Variants in DYM observed in about 807,000 individuals in gnomAD.
DYM encodes the protein dymeclin, also known as dyggve-Melchior-Clausen syndrome protein.
Under a neutral mutation model 93.1 loss-of-function variants are expected in DYM, and 78 were observed. The observed-to-expected ratio is 0.84, with a 90% CI of 0.70 to 1.01. The LOEUF (loss-of-function observed/expected upper bound fraction) is 1.01. Ranked by LOEUF, DYM falls within the 50% of genes least tolerant of loss-of-function variation. DYM has a pLI of 0.00. For missense variants in DYM, 789 were observed against 845.0 expected, an observed-to-expected ratio of 0.93 and a Z score of 0.82; for synonymous variants, 321 against 319.7, an observed-to-expected ratio of 1.00 and a Z score of -0.04.
chr18:49,258,933 A>C (rs2094446095), intron 11 of DYM, among the ~76,000 whole-genome samples: 2 of 149,954 alleles, frequency 1.3e-5, no homozygotes, highest in Non-Finnish European at 3.0e-5. Context: ...GCAGCATAGC[A>C]GCCAAATCTG....
intron 17 of DYM, among the ~76,000 whole-genome samples, chr18:49,046,556 G>C (rs921975472): frequency 2.1e-5 from 3 of 144,132 alleles, no homozygotes; most frequent in Non-Finnish European, 4.6e-5. Context: ...AACACACACA[G>C]ACACACACAG....
intron 17 of DYM, among the ~76,000 whole-genome samples, chr18:49,051,871 G>A (rs919431443): frequency 2.6e-5 from 4 of 152,234 alleles, no homozygotes; most frequent in Admixed American, 2.6e-4. Flanking sequence ...GACTGAAAGA[G>A]CGGGTAGAGA....
chr18:49,244,927 C>T (rs4939855), intron 13 of DYM, among the ~76,000 whole-genome samples: 103,672 of 152,092 alleles, frequency 0.68, 38,420 homozygotes, highest in Non-Finnish European at 0.81. Context: ...GTAACTGTTG[C>T]GGGAAATCAG....
chr18:49,074,890 A>G (rs1329594945), intron 17 of DYM, among the ~76,000 whole-genome samples: 1 of 152,220 alleles, frequency 6.6e-6, no homozygotes, highest in Admixed American at 6.5e-5. Context: ...CAGAAGCCAG[A>G]TGTGGGTAGG....
intron 13 of DYM, among the ~76,000 whole-genome samples, chr18:49,251,931 G>A (rs964307064): frequency 2.0e-5 from 3 of 151,940 alleles, no homozygotes; most frequent in Non-Finnish European, 4.4e-5. Flanking sequence ...AGAACTGCCC[G>A]AGGCTTGCAC....
intron 15 of DYM, among the ~76,000 whole-genome samples, chr18:49,142,165 T>A (rs914196026): frequency 7.9e-5 from 12 of 152,082 alleles, no homozygotes; most frequent in African/African-American, 2.9e-4. Context: ...CTGGCCAATA[T>A]GTTTTAAACA....
At chr18:49,046,303 G>GCA (rs974277935) in intron 17 of DYM, among the ~76,000 whole-genome samples, 108 of 147,376 alleles carry the variant, frequency 7.3e-4, no homozygotes, top group African/African-American at 2.4e-3. Context: ...ACATGCGCGC[G>GCA]CACACACACA....
At chr18:49,181,050 G>A (rs771301975) in intron 14 of DYM, among the ~76,000 whole-genome samples, 19 of 152,136 alleles carry the variant, frequency 1.2e-4, no homozygotes, top group Non-Finnish European at 2.5e-4. Flanking sequence ...TCTAGCCTGA[G>A]TCCAGGCTGC....
intron 13 of DYM, among the ~76,000 whole-genome samples, chr18:49,229,004 T>A (rs992281479): frequency 2.0e-5 from 3 of 152,184 alleles, no homozygotes; most frequent in Non-Finnish European, 4.4e-5. Context: ...AATTAACCAA[T>A]GGTTACTCAT....
chr18:49,189,351 C>T (rs1343553138), intron 14 of DYM, among the ~76,000 whole-genome samples: 1 of 152,156 alleles, frequency 6.6e-6, no homozygotes, highest in African/African-American at 2.4e-5. Context: ...ATGAGTTCAA[C>T]TGCTTCTTCT....
At chr18:49,188,802 C>T (rs1399096603) in intron 14 of DYM, among the ~76,000 whole-genome samples, 1 of 152,084 alleles carries the variant, frequency 6.6e-6, no homozygotes, top group African/African-American at 2.4e-5. Context: ...AACTAACCTG[C>T]ACATTGTGCA....
intron 8 of DYM, among the ~76,000 whole-genome samples, chr18:49,325,241 A>G (rs191667050): frequency 1.3e-5 from 2 of 152,328 alleles, no homozygotes; most frequent in Non-Finnish European, 1.5e-5. Flanking sequence ...TATTAACTCT[A>G]AAGTCTGCTG....
chr18:49,223,564 T>G (rs527960816), intron 13 of DYM, among the ~76,000 whole-genome samples: 1 of 152,142 alleles, frequency 6.6e-6, no homozygotes, highest in Non-Finnish European at 1.5e-5. Context: ...ATATGGGTTT[T>G]GAATCAGCTA....
chr18:49,305,648 A>C (rs1188864920), intron 8 of DYM, among the ~76,000 whole-genome samples: 1 of 152,234 alleles, frequency 6.6e-6, no homozygotes, highest in Admixed American at 6.5e-5. Context: ...AATGAAATGT[A>C]GGCATTTAAT....
chr18:49,137,814 C>G (rs2084017194), intron 15 of DYM, among the ~76,000 whole-genome samples: 1 of 152,246 alleles, frequency 6.6e-6, no homozygotes, highest in East Asian at 1.9e-4. Flanking sequence ...AGATAGGGAG[C>G]AACAGAAAGT....
In DYM at chr18:49,378,715, A is replaced by G. The variant is rs1168446384; in HGVS notation, c.288-15T>C. 1 of 1,611,506 alleles carries G rather than the reference A, an allele frequency of 6.2e-7. No homozygotes were observed. The highest frequency in any genetic ancestry group is 2.2e-5 in the East Asian group (1 of 44,688). On this transcript the variant is annotated splice_polypyrimidine_tract_variant and intron_variant, in intron 4 of 17. Coordinates refer to ENST00000675505, the MANE Select transcript of DYM (RefSeq NM_001353214.3). Reference sequence around the variant, plus strand: ...TGAAGATGTGGCTAGAAAGACCAAAATCATACAAGAATCAATATTTAAACA... The same window carrying G: ...TGAAGATGTGGCTAGAAAGACCAAAGTCATACAAGAATCAATATTTAAACA...
intron 17 of DYM, among the ~76,000 whole-genome samples, chr18:49,085,374 C>T (rs1568395683): frequency 6.6e-6 from 1 of 152,158 alleles, no homozygotes; most frequent in Non-Finnish European, 1.5e-5. Flanking sequence ...GTGCAAAGAT[C>T]ATTTCTAGAC....
chr18:49,100,876 C>G (rs555562715), intron 16 of DYM, among the ~76,000 whole-genome samples: 1 of 152,302 alleles, frequency 6.6e-6, no homozygotes, highest in South Asian at 2.1e-4. Flanking sequence ...CCTACTTTAT[C>G]ATGTCTCCGG....
intron 6 of DYM, chr18:49,359,970 T>C (rs2065882120): frequency 6.6e-6 from 1 of 152,212 alleles, no homozygotes. Context: ...AACCTTCTTG[T>C]AGGATGGAGT....
Sources: gnomAD v4.1 joint callset for allele counts (sites outside exome capture counted in the v4.1 genomes callset) on GRCh38, gnomAD v4.1.1 for gene constraint, MANE v1.5 for transcripts, NCBI Gene and HGNC (gene_info 2026-07-23, HGNC 2026-07-21) for gene names.